Variants in SLC27A3 observed in about 807,000 individuals in gnomAD.
SLC27A3 encodes long-chain fatty acid transport protein 3.
SLC27A3 carries 60 observed loss-of-function variants against 60.1 expected under a neutral mutation model. The ratio of observed to expected loss-of-function variants is 1.00; its 90% CI spans 0.81 to 1.24. SLC27A3 has a LOEUF of 1.24. Among genes scored for constraint, SLC27A3 ranks in the 50% most tolerant of loss-of-function variants. The pLI, the probability that SLC27A3 is intolerant of heterozygous loss-of-function variation, is 0.00. For synonymous variants in SLC27A3, 455 were observed against 409.0 expected, an observed-to-expected ratio of 1.11 and a Z score of -1.36; for missense variants, 1,079 against 929.9, an observed-to-expected ratio of 1.16 and a Z score of -2.09.
chr1:153,779,275 G>A (rs1319628214), intron 8 of SLC27A3, 64 bp downstream of exon 8: 28 of 1,613,670 alleles, frequency 1.7e-5, no homozygotes, highest in Admixed American at 3.3e-5. Context: ...GTACTTGGGC[G>A]CAGGGAGCAC....
rs1673418581 is a variant in SLC27A3, at chr1:153,779,417, A to G, written c.1819A>G (p.Thr607Ala). The stretch of plus-strand genomic sequence containing the variant: ...CGCTTTGGACCTTATGCAGCTCTAC[A>G]CCCACGTGTCTGAGAACTTGCCACC... ...PHALDLMQLYTHVSENLPPYA... is the reference protein window; with the variant it reads ...PHALDLMQLYAHVSENLPPYA... Residue 607 changes from threonine to alanine, a missense_variant, in exon 9 of 10, where the codon ACC becomes GCC. Physicochemically the swap from Thr to Ala is moderately conservative, Grantham distance 58. Coordinates refer to ENST00000624995, the MANE Select transcript of SLC27A3 (RefSeq NM_024330.4). 1 of 1,613,710 alleles carries G rather than the reference A, an allele frequency of 6.2e-7. No individual in the cohort carries two copies. Among genetic ancestry groups the G allele is most frequent in the Non-Finnish European group, 8.5e-7 (1 of 1,179,926 alleles).
Position 153,775,805 on chromosome 1 carries a change from C to CT in SLC27A3, c.309dup (p.Ala104CysfsTer152). On this transcript the variant is annotated frameshift_variant, in exon 1 of 10. Coordinates refer to ENST00000624995, the MANE Select transcript of SLC27A3 (RefSeq NM_024330.4). LOFTEE classifies it high-confidence loss of function. The stretch of plus-strand genomic sequence containing the variant: ...GAGGCGGAGCGCGAGAGTAACAGGG[C>CT]TGCACGCGCCTTCCTACGTGCGCTA... 1 of 1,496,920 alleles carries CT rather than the reference C, an allele frequency of 6.7e-7. No homozygotes were observed. Among genetic ancestry groups the CT allele is most frequent in the East Asian group, 2.5e-5 (1 of 40,194 alleles). The allele number at this position is 1,496,920 out of a possible 1,614,324, so 92.7% of individuals were successfully genotyped here.
chr1:153,779,963 C>T lies in SLC27A3; in HGVS notation c.2013C>T (p.Ala671=). The T allele has an allele frequency of 6.2e-7, 1 of 1,614,058 alleles. No individual in the cohort carries two copies. Among genetic ancestry groups the T allele is most frequent in the Non-Finnish European group, 8.5e-7 (1 of 1,179,972 alleles). Residue 671 remains alanine (A), a synonymous_variant, in exon 10 of 10, where the codon GCC becomes GCT. Transcript: ENST00000624995. ...GTGCCTACCTGCCCCTCACAACTGC[C>T]CGGTACAGCGCCCTCCTGGCAGGAA... The part of the protein sequence containing the change: ...AVGAYLPLTT[A]RYSALLAGNL...
At chr1:153,777,719 C>T (rs1161016104) in intron 3 of SLC27A3, 42 bp from the exon 4 acceptor site, 1 of 1,602,220 alleles carries the variant, frequency 6.2e-7, no homozygotes, top group South Asian at 1.1e-5. Flanking sequence ...CACTCTGCTC[C>T]TAATCTTACC....
chr1:153,779,299 T>C (rs780701487), intron 8 of SLC27A3, 44 bp from the exon 9 acceptor site: 18 of 1,613,502 alleles, frequency 1.1e-5, no homozygotes, highest in Non-Finnish European at 1.4e-5. Context: ...GCCTTCGTGG[T>C]GGTCAGCCAT....
chr1:153,777,502 G>A, intron 3 of SLC27A3: 2 of 614,744 alleles, frequency 3.3e-6, no homozygotes, highest in South Asian at 4.0e-5. Flanking sequence ...GGGAGAGAGA[G>A]ACAAGGAAGT....
chr1:153,777,116 T>TA lies in SLC27A3; in HGVS notation c.932_933insA (p.Phe311LeufsTer85). 1.2e-6 allele frequency: 2 copies of TA among 1,614,218 alleles called. No individual in the cohort carries two copies. The highest frequency in any genetic ancestry group is 2.2e-5 in the South Asian group (2 of 91,088). ...CTGAAGATCCTGCAATGCCAGGGCT[T>TA]CTATCAGCTGTGTGGTGTCCACCAG... On this transcript the variant is annotated frameshift_variant, in exon 3 of 10. Transcript: ENST00000624995. LOFTEE classifies it high-confidence loss of function.
Position 153,775,623 on chromosome 1 carries a change from C to G in SLC27A3, c.126C>G (p.Cys42Trp). 1 of 1,567,000 alleles carries G rather than the reference C, an allele frequency of 6.4e-7. No individual in the cohort carries two copies. The highest frequency in any genetic ancestry group is 8.6e-7 in the Non-Finnish European group (1 of 1,157,978). The change falls in exon 1 of 10, where the codon TGC becomes TGG. Residue 42 changes from cysteine (C) to tryptophan (W), a missense_variant. Cys to Trp is a radical substitution (Grantham distance 215). Transcript: ENST00000624995. ...CCTTTGCGGTGCGAGCTCTGTGCTG[C>G]AAAAGGGCTCTTCGAGCTCGCGCCC... is the stretch of plus-strand genomic sequence containing the variant. ...DLAFAVRALC[C>W]KRALRARALA...
chr1:153,776,369 C>T, intron 1 of SLC27A3, 149 bp from the exon 2 acceptor site: 1 of 1,315,090 alleles, frequency 7.6e-7, no homozygotes, highest in South Asian at 1.5e-5. Flanking sequence ...CCCAAGGAGT[C>T]GAGTTCCAGG....
chr1:153,778,335 C>T lies in SLC27A3; in HGVS notation c.1336C>T (p.Arg446Cys), dbSNP rs140637267. The T allele has an allele frequency of 4.8e-5, 78 of 1,613,968 alleles. No individual in the cohort carries two copies. Among genetic ancestry groups the T allele is most frequent in the East Asian group, 4.5e-4 (20 of 44,886 alleles). The change falls in exon 5 of 10, where the codon CGT becomes TGT. Residue 446 changes from arginine to cysteine, a missense_variant. Arg to Cys is a radical substitution (Grantham distance 180). Coordinates refer to ENST00000624995, the MANE Select transcript of SLC27A3 (RefSeq NM_024330.4). ...NYTGQRGAVG[R>C]ASWLYKHIFP... ...CACAGGACAGCGGGGCGCTGTGGGG[C>T]GTGCTTCCTGGCTTTACAAGGTGAG...
intron 9 of SLC27A3, 43 bp downstream of exon 9, chr1:153,779,516 C>T: frequency 3.8e-6 from 6 of 1,595,394 alleles, no homozygotes; most frequent in Non-Finnish European, 5.1e-6. Context: ...CCCATATATC[C>T]TCACCCCACA....
rs200003433 is a variant in SLC27A3 at position 153,775,849 on chromosome 1, G to A, written c.352G>A (p.Asp118Asn). The A allele has an allele frequency of 6.0e-6, 9 of 1,492,434 alleles. No individual in the cohort carries two copies. In the African/African-American group the frequency reaches 8.8e-5, roughly 15 times the overall value. 92.4% of individuals were successfully genotyped at this position (1,492,434 alleles called of 1,614,324 possible). A position where few individuals can be genotyped will look rare whatever the true frequency, so the allele number is the denominator to read the frequency against. Residue 118 changes from aspartate to asparagine, a missense_variant, in exon 1 of 10, where the codon GAC becomes AAC. Transcript: ENST00000624995. ...LRALGWDWGP[D>N]GGDSGEGSAG... ...TGCGCTAGGCTGGGACTGGGGACCCGACGGCGGCGACAGCGGCGAGGGGAG... is the reference window on the plus strand; with the variant it reads ...TGCGCTAGGCTGGGACTGGGGACCCAACGGCGGCGACAGCGGCGAGGGGAG...
rs140283520 is a variant in SLC27A3, at chr1:153,777,062, G to T, written c.878G>T (p.Gly293Val). 6.8e-5 allele frequency: 110 copies of T among 1,614,060 alleles called. No individual in the cohort carries two copies. In the East Asian group the frequency reaches 2.4e-3, roughly 35 times the overall value. Residue 293 changes from glycine (G) to valine (V), a missense_variant and splice_region_variant, in exon 3 of 10, where the codon GGC becomes GTC. Gly to Val is a moderately radical substitution (Grantham distance 109). Transcript: ENST00000624995. ...TCGTCCCATAACTGCCACCCCACAG[G>T]CCTCCCCAAGGCTGCTCGGATCAGT... The part of the protein sequence containing the change: ...CLYIFTSGTT[G>V]LPKAARISHL...
At chr1:153,778,083 G>A in intron 4 of SLC27A3, 78 bp from the exon 5 acceptor site, 2 of 1,529,002 alleles carry the variant, frequency 1.3e-6, no homozygotes, top group Non-Finnish European at 1.8e-6. Flanking sequence ...GGGGTTCTGG[G>A]GAATGGGGAA....
In SLC27A3 at chr1:153,775,531, TTGCTACCGCTGCTGC is replaced by T; in HGVS notation, c.39_53del (p.Pro14_Leu18del). ...CCTCCTGCTGCTGCCCCTGCTGCTGTTGCTACCGCTGCTGCTGCTGAAGCTACACCTCTGGCCGCA... is the reference window on the plus strand; with the variant it reads ...CCTCCTGCTGCTGCCCCTGCTGCTGTTGCTGAAGCTACACCTCTGGCCGCA... On this transcript the variant is annotated inframe_deletion, in exon 1 of 10. Transcript: ENST00000624995. 1 of 1,612,828 alleles carries T rather than the reference TTGCTACCGCTGCTGC, an allele frequency of 6.2e-7. No homozygotes were observed. Among genetic ancestry groups the T allele is most frequent in the Non-Finnish European group, 8.5e-7 (1 of 1,179,968 alleles).
Position 153,775,789 on chromosome 1 carries a change from C to A in SLC27A3, c.292C>A (p.Arg98Ser), listed in dbSNP as rs1673169609. 1 of 1,504,244 alleles carries A rather than the reference C, an allele frequency of 6.6e-7. No homozygotes were observed. Among genetic ancestry groups the A allele is most frequent in the Non-Finnish European group, 8.8e-7 (1 of 1,130,716 alleles). 93.2% of individuals were successfully genotyped at this position (1,504,244 alleles called of 1,614,324 possible). A position where few individuals can be genotyped will look rare whatever the true frequency, so the allele number is the denominator to read the frequency against. ...SRRFSYSEAERESNRAARAFL... is the reference protein window; with the variant it reads ...SRRFSYSEAESESNRAARAFL... ...GCGCTTTAGCTACTCAGAGGCGGAG[C>A]GCGAGAGTAACAGGGCTGCACGCGC... is the stretch of plus-strand genomic sequence containing the variant. The change falls in exon 1 of 10, where the codon CGC becomes AGC. Residue 98 changes from arginine to serine, a missense_variant. Coordinates refer to ENST00000624995, the MANE Select transcript of SLC27A3 (RefSeq NM_024330.4).
At position 153,777,410 on chromosome 1, in the gene SLC27A3, C is replaced by T. The variant is rs562361552; in HGVS notation, c.1036+190C>T. Reference sequence around the variant, plus strand: ...CAGACTGAGGAACGGTGAGGGGGGCCATACAGCCACATAACTCCAGGCTGC... The same window carrying T: ...CAGACTGAGGAACGGTGAGGGGGGCTATACAGCCACATAACTCCAGGCTGC... On this transcript the variant is annotated intron_variant, in intron 3 of 9. Transcript: ENST00000624995. 280 of 686,598 alleles carry T rather than the reference C, an allele frequency of 4.1e-4. 1 individual carries two copies. In the African/African-American group the frequency reaches 4.6e-3, roughly 11 times the overall value. The allele number at this position is 686,598 out of a possible 1,614,324, so 42.5% of individuals were successfully genotyped here.
At position 153,778,856 on chromosome 1, in the gene SLC27A3, C is replaced by T. The variant is rs779148049; in HGVS notation, c.1617C>T (p.Arg539=). ...TCTGCGATGACCAAGGTTTTCTCCG[C>T]TTCCATGATCGTACTGGAGACACCT... ...LLVCDDQGFL[R]FHDRTGDTFR... is the part of the protein sequence containing the mutation. Residue 539 remains arginine (R), a synonymous_variant, in exon 7 of 10, where the codon CGC becomes CGT. Transcript: ENST00000624995. 3.1e-6 allele frequency: 5 copies of T among 1,614,178 alleles called. No homozygotes were observed. The highest frequency in any genetic ancestry group is 2.5e-6 in the Non-Finnish European group (3 of 1,180,020).
Position 153,777,743 on chromosome 1 carries a change from C to A in SLC27A3, c.1037-18C>A. ...CCTAATCTTACCTCCCTTCTTCCCCCCTGCCCACTTCTGGCAGGGGCCACA... is the reference window on the plus strand; with the variant it reads ...CCTAATCTTACCTCCCTTCTTCCCCACTGCCCACTTCTGGCAGGGGCCACA... On this transcript the variant is annotated intron_variant, in intron 3 of 9. Coordinates refer to ENST00000624995, the MANE Select transcript of SLC27A3 (RefSeq NM_024330.4). The A allele has an allele frequency of 6.2e-7, 1 of 1,614,062 alleles. No individual in the cohort carries two copies. The highest frequency in any genetic ancestry group is 1.7e-4 in the Middle Eastern group (1 of 6,058).
Sources: gnomAD v4.1 joint callset for allele counts on GRCh38, gnomAD v4.1.1 for gene constraint, MANE v1.5 for transcripts, NCBI Gene and HGNC (gene_info 2026-07-23, HGNC 2026-07-21) for gene names.